Variants in DTD1 observed in about 807,000 individuals in gnomAD.
DTD1 encodes the protein D-aminoacyl-tRNA deacylase 1.
A neutral mutation model predicts 25.6 loss-of-function variants in DTD1; 13 were observed. That is an observed-to-expected ratio of 0.51 (90% CI 0.33 to 0.81). The LOEUF is 0.81. Among genes scored for constraint, DTD1 ranks in the 30% least tolerant of loss-of-function variants. The pLI, the probability that DTD1 is intolerant of heterozygous loss-of-function variation, is 0.02. For missense variants in DTD1, 193 were observed against 266.4 expected, an observed-to-expected ratio of 0.72 and a Z score of 1.92; for synonymous variants, 110 against 103.6, an observed-to-expected ratio of 1.06 and a Z score of -0.37.
intron 4 of DTD1, among the ~76,000 whole-genome samples, chr20:18,636,138 C>T (rs1281044905): frequency 6.6e-6 from 1 of 152,040 alleles, no homozygotes; most frequent in Non-Finnish European, 1.5e-5. Flanking sequence ...CTTATAATCT[C>T]ATTTGTGTGT....
chr20:18,718,842 CAG>C (rs199642676), intron 4 of DTD1, among the ~76,000 whole-genome samples: 1,896 of 152,252 alleles, frequency 0.012, 26 homozygotes, highest in African/African-American at 0.017. Context: ...CATAAGAATC[CAG>C]AGTTAGGCAT....
intron 4 of DTD1, chr20:18,631,176 G>A: frequency 4.1e-6 from 4 of 985,512 alleles, no homozygotes; most frequent in Non-Finnish European, 4.8e-6. Flanking sequence ...TGGTAGCAGA[G>A]CTACCCTTTC....
intron 4 of DTD1, among the ~76,000 whole-genome samples, chr20:18,682,543 C>T (rs902948563): frequency 3.2e-4 from 48 of 151,662 alleles, no homozygotes; most frequent in African/African-American, 1.1e-3. Context: ...CCCATGTTGT[C>T]TGTTGTCCTT....
chr20:18,661,592 T>G (rs564870997), intron 4 of DTD1, among the ~76,000 whole-genome samples: 1 of 152,110 alleles, frequency 6.6e-6, no homozygotes, highest in Non-Finnish European at 1.5e-5. Context: ...AGGATGGTTT[T>G]GATCTCCTGA....
At chr20:18,697,922 T>C (rs2061085619) in intron 4 of DTD1, among the ~76,000 whole-genome samples, 2 of 152,180 alleles carry the variant, frequency 1.3e-5, no homozygotes, top group Admixed American at 1.3e-4. Context: ...TCAACTCATA[T>C]AATTTTTATG....
At chr20:18,714,643 G>T (rs2122483323) in intron 4 of DTD1, among the ~76,000 whole-genome samples, 1 of 152,286 alleles carries the variant, frequency 6.6e-6, no homozygotes, top group African/African-American at 2.4e-5. Flanking sequence ...CCAGGGTCAA[G>T]GCCATCGTCT....
chr20:18,694,380 G>A (rs773721553), intron 4 of DTD1, among the ~76,000 whole-genome samples: 1 of 152,154 alleles, frequency 6.6e-6, no homozygotes, highest in African/African-American at 2.4e-5. Context: ...GAGCCCACCC[G>A]TGCCTTGCAG....
At chr20:18,695,235 C>T (rs6081304) in intron 4 of DTD1, among the ~76,000 whole-genome samples, 19,194 of 151,764 alleles carry the variant, frequency 0.13, 1,564 homozygotes, top group Non-Finnish European at 0.18. Flanking sequence ...AGAACCCAAC[C>T]AGTCCTTGCC....
At chr20:18,704,817 A>G (rs2061119876) in intron 4 of DTD1, among the ~76,000 whole-genome samples, 1 of 152,120 alleles carries the variant, frequency 6.6e-6, no homozygotes, top group Admixed American at 6.5e-5. Context: ...CTGCAGAGGA[A>G]GATGATCAAG....
intron 3 of DTD1, among the ~76,000 whole-genome samples, chr20:18,609,605 C>T (rs550404541): frequency 9.2e-5 from 14 of 152,228 alleles, no homozygotes; most frequent in Non-Finnish European, 1.9e-4. Flanking sequence ...TGAGGATTGT[C>T]AGCTCATTTG....
Position 18,596,077 on chromosome 20 carries a change from A to G in DTD1, c.206A>G (p.Asp69Gly). The G allele has an allele frequency of 6.2e-7, 1 of 1,614,170 alleles. No homozygotes were observed. Among genetic ancestry groups the G allele is most frequent in the Non-Finnish European group, 8.5e-7 (1 of 1,180,024 alleles). Residue 69 changes from aspartate (D) to glycine (G), a missense_variant, in exon 3 of 6, where the codon GAC becomes GGC. Asp to Gly is a moderately conservative substitution (Grantham distance 94, BLOSUM62 -1). Transcript: ENST00000377452. ...AAGCACTGGTCGAAGAGTGTGATGGACAAACAGTACGAGATTCTGTGTGTC... is the reference window on the plus strand; with the variant it reads ...AAGCACTGGTCGAAGAGTGTGATGGGCAAACAGTACGAGATTCTGTGTGTC... ...SGKHWSKSVM[D>G]KQYEILCVSQ...
intron 5 of DTD1, among the ~76,000 whole-genome samples, chr20:18,760,185 C>T (rs1284573943): frequency 2.0e-5 from 3 of 152,136 alleles, no homozygotes; most frequent in Admixed American, 2.0e-4. Flanking sequence ...TTCGAACTTC[C>T]TCCTTTAGCT....
Position 18,684,255 on chromosome 20 carries a change from C to T in DTD1, c.477+56022C>T, listed in dbSNP as rs144475732. On this transcript the variant is annotated intron_variant, in intron 4 of 5. Transcript: ENST00000377452. ...CTCCCAGGAGTTTCTCACTTTCACA[C>T]TAGTTCATGCTCACCTCCAGCAGTT... Among the ~76,000 whole-genome samples the T allele has an allele frequency of 5.3e-5, 8 of 152,174 alleles. No individual in the cohort carries two copies. In the East Asian group the frequency reaches 1.4e-3, roughly 26 times the overall value.
At chr20:18,700,493 CTT>C (rs11481533) in intron 4 of DTD1, among the ~76,000 whole-genome samples, 4 of 145,292 alleles carry the variant, frequency 2.8e-5, no homozygotes, top group African/African-American at 2.5e-5. Context: ...TAGTGGTGAC[CTT>C]TTTTTTTTTT....
intron 4 of DTD1, among the ~76,000 whole-genome samples, chr20:18,742,652 C>T (rs998215343): frequency 6.6e-6 from 1 of 152,178 alleles, no homozygotes. Flanking sequence ...TGTCCCCCAT[C>T]TCACAGAAAA....
chr20:18,648,755 T>A (rs542437433), intron 4 of DTD1, among the ~76,000 whole-genome samples: 10 of 151,962 alleles, frequency 6.6e-5, no homozygotes, highest in South Asian at 2.1e-4. Flanking sequence ...AAATGAAAAT[T>A]TAAGGCCGAG....
chr20:18,745,076 C>T (rs912370762), intron 5 of DTD1, among the ~76,000 whole-genome samples: 4 of 152,150 alleles, frequency 2.6e-5, no homozygotes, highest in Non-Finnish European at 5.9e-5. Flanking sequence ...GATGCAGAGT[C>T]CACTTGCGCT....
At chr20:18,758,895 G>A (rs1439423928) in intron 5 of DTD1, among the ~76,000 whole-genome samples, 2 of 151,132 alleles carry the variant, frequency 1.3e-5, no homozygotes, top group African/African-American at 4.8e-5. Flanking sequence ...TTATTATTGT[G>A]TGGCTTTATG....
At chr20:18,760,890 G>A (rs1012731968) in intron 5 of DTD1, among the ~76,000 whole-genome samples, 2 of 152,184 alleles carry the variant, frequency 1.3e-5, no homozygotes, top group African/African-American at 2.4e-5. Flanking sequence ...CACCCAGTTC[G>A]AGCTTCCCGG....
Sources: gnomAD v4.1 joint callset for allele counts (sites outside exome capture counted in the v4.1 genomes callset) on GRCh38, gnomAD v4.1.1 for gene constraint, MANE v1.5 for transcripts, NCBI Gene and HGNC (gene_info 2026-07-23, HGNC 2026-07-21) for gene names.